Variants in PKD2 observed in about 807,000 individuals in gnomAD.
PKD2 encodes the protein polycystin 2, transient receptor potential cation channel, also known as polycystin-2.
In PKD2, 48 loss-of-function variants were observed where a neutral mutation model predicts 105.9. That is an observed-to-expected ratio of 0.45 (90% confidence interval 0.36 to 0.58). The LOEUF (loss-of-function observed/expected upper bound fraction) is 0.58. Ranked by LOEUF, PKD2 falls within the 20% of genes least tolerant of loss-of-function variation. PKD2 has a pLI of 0.00. For missense variants in PKD2, 1,078 were observed against 1,255.3 expected (o/e 0.86, Z 2.13); for synonymous variants, 464 against 481.1 (o/e 0.96, Z 0.46).
At chr4:88,012,075 A>C (rs1726403280) in intron 1 of PKD2, among the ~76,000 whole-genome samples, 1 of 152,128 alleles carries the variant, frequency 6.6e-6, no homozygotes, top group Non-Finnish European at 1.5e-5. Context: ...GCATTCTCCC[A>C]CCCAAATTGC....
chr4:88,055,127 T>G (rs1369442156), intron 7 of PKD2, among the ~76,000 whole-genome samples: 1 of 152,186 alleles, frequency 6.6e-6, no homozygotes, highest in Non-Finnish European at 1.5e-5. Flanking sequence ...GCTCAATATT[T>G]CTTTGCAGTC....
intron 2 of PKD2, among the ~76,000 whole-genome samples, chr4:88,028,894 A>C (rs1727047611): frequency 6.6e-6 from 1 of 152,208 alleles, no homozygotes; most frequent in Non-Finnish European, 1.5e-5. Flanking sequence ...AAACAAAATA[A>C]TACTAGCCAA....
intron 13 of PKD2, among the ~76,000 whole-genome samples, chr4:88,071,025 A>G (rs1392311818): frequency 6.6e-6 from 1 of 151,314 alleles, no homozygotes; most frequent in Non-Finnish European, 1.5e-5. Context: ...ATTTGATGAT[A>G]TCCTGTATTT....
At chr4:88,029,275 G>T (rs978179032) in intron 2 of PKD2, among the ~76,000 whole-genome samples, 6 of 152,152 alleles carry the variant, frequency 3.9e-5, no homozygotes, top group African/African-American at 1.4e-4. Context: ...TTTACACAGT[G>T]TTTTCTCTGA....
intron 9 of PKD2, among the ~76,000 whole-genome samples, chr4:88,060,716 A>T (rs941552038): frequency 6.6e-6 from 1 of 152,178 alleles, no homozygotes; most frequent in African/African-American, 2.4e-5. Context: ...GCTTCGAGAA[A>T]GTTTGTTGTT....
intron 2 of PKD2, among the ~76,000 whole-genome samples, chr4:88,023,915 G>A (rs573242274): frequency 1.3e-5 from 2 of 152,270 alleles, no homozygotes; most frequent in South Asian, 4.1e-4. Context: ...TACCAATGAG[G>A]TTATGTGCCC....
chr4:88,021,878 G>T (rs912024698), intron 2 of PKD2, among the ~76,000 whole-genome samples: 1 of 152,178 alleles, frequency 6.6e-6, no homozygotes, highest in Non-Finnish European at 1.5e-5. Context: ...AGCCTTTCCA[G>T]TTCATCCAGC....
Position 88,065,320 on chromosome 4 carries a change from A to G in PKD2, c.2119-54A>G, listed in dbSNP as rs576571051. 3.2e-5 allele frequency: 50 copies of G among 1,544,284 alleles called. No individual in the cohort carries two copies. The African/African-American group carries it at 6.0e-4, about 18-fold the overall frequency. ...CTACTGTGAATGGAAAGTAAAACAGATGCAAAAGGAGAATACACTAAACCA... is the reference window on the plus strand; with the variant it reads ...CTACTGTGAATGGAAAGTAAAACAGGTGCAAAAGGAGAATACACTAAACCA... On this transcript the variant is annotated intron_variant, in intron 10 of 14. Coordinates refer to ENST00000237596, the MANE Select transcript of PKD2 (RefSeq NM_000297.4).
chr4:88,030,318 G>A (rs972721931), intron 2 of PKD2, among the ~76,000 whole-genome samples: 23 of 151,942 alleles, frequency 1.5e-4, no homozygotes, highest in Non-Finnish European at 2.1e-4. Flanking sequence ...TTTATTTGTT[G>A]TAGAAATGAG....
chr4:88,067,480 C>T (rs932367180), intron 12 of PKD2, among the ~76,000 whole-genome samples: 1 of 152,036 alleles, frequency 6.6e-6, no homozygotes, highest in African/African-American at 2.4e-5. Context: ...TGCAGGCATG[C>T]ATCACCATGC....
At chr4:88,029,242 C>T (rs537610994) in intron 2 of PKD2, among the ~76,000 whole-genome samples, 4 of 152,304 alleles carry the variant, frequency 2.6e-5, no homozygotes, top group South Asian at 2.1e-4. Context: ...TCACTTGCTT[C>T]GCTTTCTTCT....
intron 13 of PKD2, among the ~76,000 whole-genome samples, chr4:88,071,909 A>G (rs567437098): frequency 2.0e-5 from 3 of 150,956 alleles, no homozygotes; most frequent in African/African-American, 7.3e-5. Context: ...CTTGGGATGT[A>G]ATTTGCTCCA....
chr4:88,070,730 C>G (rs1721002642), intron 13 of PKD2, among the ~76,000 whole-genome samples: 1 of 151,284 alleles, frequency 6.6e-6, no homozygotes, highest in African/African-American at 2.4e-5. Flanking sequence ...CACCTGGGCT[C>G]AAATGATCCT....
chr4:88,035,958 G>A (rs1727316478), intron 2 of PKD2: 1 of 495,138 alleles, frequency 2.0e-6, no homozygotes, highest in South Asian at 2.0e-5. Context: ...AAACGTTCCT[G>A]ATCTTACATT....
At chr4:88,044,790 C>A (rs980227376) in intron 5 of PKD2, among the ~76,000 whole-genome samples, 2 of 151,996 alleles carry the variant, frequency 1.3e-5, no homozygotes, top group Non-Finnish European at 2.9e-5. Flanking sequence ...TCCACTTGTG[C>A]GTTCATGGCG....
chr4:88,037,278 A>G (rs1010984184), intron 3 of PKD2, among the ~76,000 whole-genome samples: 1 of 152,108 alleles, frequency 6.6e-6, no homozygotes, highest in African/African-American at 2.4e-5. Context: ...CAAACAAAAA[A>G]GGTCTGCTGT....
chr4:88,075,043 T>C, intron 14 of PKD2, 84 bp downstream of exon 14: 1 of 1,469,282 alleles, frequency 6.8e-7, no homozygotes, highest in Non-Finnish European at 9.5e-7. Context: ...GTATTTGAAG[T>C]ATTGAAGAAG....
chr4:88,064,122 T>A (rs1330655454), intron 10 of PKD2, among the ~76,000 whole-genome samples: 2 of 152,096 alleles, frequency 1.3e-5, no homozygotes, highest in African/African-American at 2.4e-5. Context: ...ACCACTGCAA[T>A]CCAGCCAGGT....
intron 8 of PKD2, 83 bp downstream of exon 8, chr4:88,056,350 A>G (rs1560620598): frequency 4.9e-6 from 4 of 813,490 alleles, no homozygotes; most frequent in Admixed American, 4.5e-5. Context: ...TGAGGTTGCT[A>G]TATGACCACC....
Sources: gnomAD v4.1 joint callset for allele counts (sites outside exome capture counted in the v4.1 genomes callset) on GRCh38, gnomAD v4.1.1 for gene constraint, MANE v1.5 for transcripts, NCBI Gene and HGNC (gene_info 2026-07-23, HGNC 2026-07-21) for gene names.